The following PPCS variants were observed in gnomAD, a reference collection of about 807,000 sequenced individuals.
PPCS encodes the protein phosphopantothenoylcysteine synthetase.
In PPCS, 17 loss-of-function variants were observed where a neutral mutation model predicts 24.6. The observed-to-expected ratio is 0.69, with a 90% CI of 0.47 to 1.04. The LOEUF is 1.04. PPCS is among the 50% of genes least tolerant of loss of function. PPCS has a pLI of 0.00. For synonymous variants in PPCS, 190 were observed against 168.3 expected, an observed-to-expected ratio of 1.13 and a Z score of -1.00; for missense variants, 360 against 402.8, an observed-to-expected ratio of 0.89 and a Z score of 0.91.
At chr1:42,469,903 A>G (rs568868839) in intron 2 of PPCS, among the ~76,000 whole-genome samples, 1 of 152,344 alleles carries the variant, frequency 6.6e-6, no homozygotes, top group Non-Finnish European at 1.5e-5. Flanking sequence ...AACAGAAACT[A>G]GCAACTCATA....
downstream of PPCS, among the ~76,000 whole-genome samples, chr1:42,462,898 G>C (rs1285896874): frequency 6.6e-6 from 1 of 152,160 alleles, no homozygotes; most frequent in Non-Finnish European, 1.5e-5. Context: ...CACGATCTAG[G>C]CCTAAAATTC....
Position 42,460,465 on chromosome 1 carries a change from T to G in PPCS, c.*539T>G. The G allele has an allele frequency of 0.025, 11,809 of 464,130 alleles. No homozygotes were observed. The highest frequency in any genetic ancestry group is 0.03 in the Non-Finnish European group (10,748 of 353,478). The allele number at this position is 464,130 out of a possible 1,614,324, so 28.8% of individuals were successfully genotyped here. A position where few individuals can be genotyped will look rare whatever the true frequency, so the allele number is the denominator to read the frequency against. ...CAAATATAGTAGTAGGAAAGAAGGA[T>G]ACCTCCCTGAAGATAGATTGTAGAA... On this transcript the variant is annotated 3_prime_UTR_variant, in exon 3 of 3. Transcript: ENST00000372561.
chr1:42,468,427 G>A (rs905527459), intron 2 of PPCS, among the ~76,000 whole-genome samples: 1 of 151,852 alleles, frequency 6.6e-6, no homozygotes. Context: ...CATTCCTTAA[G>A]GACAGTTTCT....
chr1:42,456,578 G>T lies in PPCS; in HGVS notation c.13G>T (p.Asp5Tyr), dbSNP rs1435536608. MAEM[D>Y]PVAEFPQPPG... Reference sequence around the variant, plus strand: ...CGCTGCGCTGCAGATGGCGGAAATGGATCCGGTAGCCGAGTTCCCCCAGCC... The same window carrying T: ...CGCTGCGCTGCAGATGGCGGAAATGTATCCGGTAGCCGAGTTCCCCCAGCC... The change falls in exon 1 of 3, where the codon GAT (aspartate) becomes TAT (tyrosine). Residue 5 changes from aspartate to tyrosine, a missense_variant. By Grantham distance (160) the Asp-to-Tyr change is radical. Transcript: ENST00000372561. 6.7e-7 allele frequency: 1 copy of T among 1,487,114 alleles called. No homozygotes were observed. The highest frequency in any genetic ancestry group is 8.9e-7 in the Non-Finnish European group (1 of 1,120,408). The allele number at this position is 1,487,114 out of a possible 1,614,324, so 92.1% of individuals were successfully genotyped here.
chr1:42,472,862 T>C (rs901916199), intron 2 of PPCS, among the ~76,000 whole-genome samples: 2 of 152,178 alleles, frequency 1.3e-5, no homozygotes, highest in Non-Finnish European at 2.9e-5. Context: ...CTGCTTTCAG[T>C]TTTCCTCACA....
rs943874384 is a variant in PPCS, at chr1:42,460,540, C to T, written c.*614C>T. On this transcript the variant is annotated 3_prime_UTR_variant, in exon 3 of 3. Coordinates refer to ENST00000372561, the MANE Select transcript of PPCS (RefSeq NM_024664.4). ...TTTTTGCTTCTTATTGTAGATTCAC[C>T]TCATGTTTGGGTAATAGTTTACATT... is the stretch of plus-strand genomic sequence containing the variant. 4 of 219,882 alleles carry T rather than the reference C, an allele frequency of 1.8e-5. No individual in the cohort carries two copies. The highest frequency in any genetic ancestry group is 3.1e-5 in the Non-Finnish European group (4 of 129,902). 13.6% of individuals were successfully genotyped at this position (219,882 alleles called of 1,614,324 possible).
chr1:42,464,722 T>C (rs570184443), downstream of PPCS, among the ~76,000 whole-genome samples: 1 of 152,372 alleles, frequency 6.6e-6, no homozygotes, highest in East Asian at 1.9e-4. Flanking sequence ...GCATTCCTTG[T>C]TGAATCTTAC....
chr1:42,456,621 G>A lies in PPCS; in HGVS notation c.56G>A (p.Trp19Ter). ...CCCCAGCCTCCCGGTGCTGCGCGCT[G>A]GGCTGAGGTTATGGCTCGCTTCGCG... ...EFPQPPGAAR[W>*]AEVMARFAAR... is the part of the protein sequence containing the mutation. Residue 19 changes from tryptophan to a stop codon, truncating the protein, a stop_gained, in exon 1 of 3, where the codon TGG becomes TAG. Transcript: ENST00000372561. LOFTEE classifies it high-confidence loss of function. 1 of 1,574,156 alleles carries A rather than the reference G, an allele frequency of 6.4e-7. No individual in the cohort carries two copies. Among genetic ancestry groups the A allele is most frequent in the Non-Finnish European group, 8.6e-7 (1 of 1,162,506 alleles).
downstream of PPCS, among the ~76,000 whole-genome samples, chr1:42,462,135 C>T (rs1476067789): frequency 6.6e-6 from 1 of 152,050 alleles, no homozygotes; most frequent in East Asian, 1.9e-4. Context: ...CAGTGTTCTA[C>T]ATGAAATTAT....
At chr1:42,465,229 T>C (rs1450557544), downstream of PPCS, among the ~76,000 whole-genome samples, 1 of 152,224 alleles carries the variant, frequency 6.6e-6, no homozygotes, top group Admixed American at 6.5e-5. Flanking sequence ...GAGGATCACT[T>C]GATCCTGGGA....
intron 2 of PPCS, among the ~76,000 whole-genome samples, chr1:42,472,082 C>T (rs1014911764): frequency 3.3e-5 from 5 of 151,972 alleles, no homozygotes; most frequent in South Asian, 2.1e-4. Flanking sequence ...GGTGAAACCT[C>T]GTCTCTACTA....
rs746589709 is a variant in PPCS at position 42,457,357 on chromosome 1, G to C, written c.612+7G>C. Reference sequence around the variant, plus strand: ...ATCTGGGGGCCCACTGCAGGTGATGGGCGCTTCTCTTCCAGAGATCTAATC... The same window carrying C: ...ATCTGGGGGCCCACTGCAGGTGATGCGCGCTTCTCTTCCAGAGATCTAATC... On this transcript the variant is annotated splice_region_variant and intron_variant, in intron 2 of 2. Coordinates refer to ENST00000372561, the MANE Select transcript of PPCS (RefSeq NM_024664.4). The C allele has an allele frequency of 1.2e-6, 2 of 1,609,838 alleles. No individual in the cohort carries two copies.
At chr1:42,462,346 G>A (rs575504462), downstream of PPCS, among the ~76,000 whole-genome samples, 2 of 152,264 alleles carry the variant, frequency 1.3e-5, no homozygotes, top group South Asian at 4.2e-4. Flanking sequence ...TCCCTGAGTA[G>A]GTGATACTTA....
At chr1:42,471,220 G>A (rs1284580015) in intron 2 of PPCS, among the ~76,000 whole-genome samples, 1 of 152,098 alleles carries the variant, frequency 6.6e-6, no homozygotes, top group East Asian at 1.9e-4. Context: ...TGATCAGCAA[G>A]GATCAGATCC....
downstream of PPCS, among the ~76,000 whole-genome samples, chr1:42,462,465 T>A (rs540408900): frequency 6.6e-6 from 1 of 152,210 alleles, no homozygotes; most frequent in South Asian, 2.1e-4. Flanking sequence ...TTGAGGCACT[T>A]TATTATATAA....
At chr1:42,459,174 TTTTTG>T in intron 2 of PPCS, 1 of 150,430 alleles carries the variant, frequency 6.6e-6, no homozygotes, top group South Asian at 2.1e-4. Context: ...TTTTTTTTTT[TTTTTG>T]TGAGACAAGG....
downstream of PPCS, among the ~76,000 whole-genome samples, chr1:42,465,210 C>G (rs563024742): frequency 1.3e-5 from 2 of 152,256 alleles, no homozygotes; most frequent in Non-Finnish European, 2.9e-5. Context: ...ACTCTGGAGG[C>G]TGAGGTGGGA....
chr1:42,460,463 G>C lies in PPCS; in HGVS notation c.*537G>C. On this transcript the variant is annotated 3_prime_UTR_variant, in exon 3 of 3. Transcript: ENST00000372561. ...ATCAAATATAGTAGTAGGAAAGAAG[G>C]ATACCTCCCTGAAGATAGATTGTAG... The C allele has an allele frequency of 1.2e-6, 1 of 805,478 alleles. No individual in the cohort carries two copies. Among genetic ancestry groups the C allele is most frequent in the Non-Finnish European group, 1.5e-6 (1 of 665,456 alleles). 49.9% of individuals were successfully genotyped at this position (805,478 alleles called of 1,614,324 possible).
chr1:42,463,516 C>T (rs1331338594), downstream of PPCS: 1 of 152,344 alleles, frequency 6.6e-6, no homozygotes, highest in East Asian at 1.9e-4. Flanking sequence ...GGAACCCCTC[C>T]TGGCCCGGCC....
Sources: gnomAD v4.1 joint callset for allele counts (sites outside exome capture counted in the v4.1 genomes callset) on GRCh38, gnomAD v4.1.1 for gene constraint, MANE v1.5 for transcripts, NCBI Gene and HGNC (gene_info 2026-07-23, HGNC 2026-07-21) for gene names.